The following CDKL2 variants were observed in gnomAD, a reference collection of about 807,000 sequenced individuals.
CDKL2 encodes cyclin dependent kinase like 2, also known as cyclin-dependent kinase-like 2.
Under a neutral mutation model 63.9 loss-of-function variants are expected in CDKL2, and 64 were observed. That is an observed-to-expected ratio of 1.00 (90% CI 0.82 to 1.23). CDKL2 has a LOEUF of 1.23. Among genes scored for constraint, CDKL2 ranks in the 50% most tolerant of loss-of-function variants. CDKL2 has a pLI of 0.00. For missense variants in CDKL2, 656 were observed against 668.0 expected (o/e 0.98, Z 0.20); for synonymous variants, 211 against 229.2 (o/e 0.92, Z 0.72).
At chr4:75,599,548 C>CAAAAAAAAAAAAAAA (rs71657365) in intron 7 of CDKL2, among the ~76,000 whole-genome samples, 1 of 69,654 alleles carries the variant, frequency 1.4e-5, no homozygotes. Context: ...GCAACAAGAG[C>CAAAAAAAAAAAAAAA]AAAAAAAAAA....
At chr4:75,626,932 A>G (rs188047230) in intron 1 of CDKL2, among the ~76,000 whole-genome samples, 108 of 152,156 alleles carry the variant, frequency 7.1e-4, no homozygotes, top group Admixed American at 2.6e-3. Context: ...GGCCAGGTGC[A>G]GTGGCTCACA....
At chr4:75,615,179 A>T (rs1729878723) in intron 2 of CDKL2, among the ~76,000 whole-genome samples, 1 of 152,084 alleles carries the variant, frequency 6.6e-6, no homozygotes, top group Non-Finnish European at 1.5e-5. Context: ...ATAGAATTAA[A>T]TCCCACACTG....
chr4:75,585,569 G>A (rs1728440749), intron 12 of CDKL2, among the ~76,000 whole-genome samples: 1 of 151,792 alleles, frequency 6.6e-6, no homozygotes, highest in African/African-American at 2.4e-5. Context: ...CTCCAGCCTG[G>A]GCAACAGAGT....
At chr4:75,617,259 A>G (rs921481273) in intron 2 of CDKL2, among the ~76,000 whole-genome samples, 1 of 152,236 alleles carries the variant, frequency 6.6e-6, no homozygotes, top group Non-Finnish European at 1.5e-5. Flanking sequence ...TTTACAATGT[A>G]AAAGAAGCGT....
At position 75,614,263 on chromosome 4, in the gene CDKL2, T is replaced by C. The variant is rs997721043; in HGVS notation, c.355A>G (p.Ser119Gly). Residue 119 changes from serine to glycine, a missense_variant, in exon 3 of 14, where the codon AGT (serine) becomes GGT (glycine). Physicochemically the swap from Ser to Gly is moderately conservative, Grantham distance 56. Transcript: ENST00000307465. The stretch of plus-strand genomic sequence containing the variant: ...TTAAACCCAATACTTACATTGTGAC[T>C]GTGACAAAATCCAATTCCATTAATA... ...QIINGIGFCH[S>G]HNIIHRDIKP... 2.5e-6 allele frequency: 4 copies of C among 1,593,160 alleles called. No homozygotes were observed. In the African/African-American group the frequency reaches 5.4e-5, roughly 21 times the overall value.
chr4:75,604,798 T>A (rs1438958531), intron 5 of CDKL2, among the ~76,000 whole-genome samples: 3 of 152,236 alleles, frequency 2.0e-5, no homozygotes, highest in Non-Finnish European at 4.4e-5. Flanking sequence ...ACCTCTGCTC[T>A]TTTCCTCTCT....
At position 75,598,060 on chromosome 4, in the gene CDKL2, G is replaced by A; in HGVS notation, c.1020+17C>T. 6.9e-7 allele frequency: 1 copy of A among 1,441,654 alleles called. No individual in the cohort carries two copies. The highest frequency in any genetic ancestry group is 9.3e-7 in the Non-Finnish European group (1 of 1,072,698). 89.3% of individuals were successfully genotyped at this position (1,441,654 alleles called of 1,614,324 possible). On this transcript the variant is annotated intron_variant, in intron 8 of 13. Coordinates refer to ENST00000307465, the MANE Select transcript of CDKL2 (RefSeq NM_001330724.2). ...AATAAGTATATTAAATCTAAAATGT[G>A]AAACATGAACATTTACCTGTACCAC...
intron 12 of CDKL2, 96 bp downstream of exon 12, chr4:75,591,723 G>T: frequency 1.3e-6 from 1 of 770,066 alleles, no homozygotes; most frequent in Non-Finnish European, 2.0e-6. Context: ...CAATAAACCT[G>T]CACAATTCTT....
intron 12 of CDKL2, among the ~76,000 whole-genome samples, 181 bp from the exon 13 acceptor site, chr4:75,582,079 A>C (rs898370651): frequency 6.6e-6 from 1 of 152,238 alleles, no homozygotes; most frequent in Non-Finnish European, 1.5e-5. Flanking sequence ...CTTTAGTCCC[A>C]AACATGACTG....
At chr4:75,598,255 A>T in intron 7 of CDKL2, 43 bp from the exon 8 acceptor site, 1 of 1,104,088 alleles carries the variant, frequency 9.1e-7, no homozygotes, top group South Asian at 1.8e-5. Flanking sequence ...GACATGGATA[A>T]ACCTACAAAA....
intron 7 of CDKL2, 28 bp downstream of exon 7, chr4:75,600,253 G>T: frequency 1.4e-6 from 2 of 1,442,920 alleles, no homozygotes; most frequent in Non-Finnish European, 9.7e-7. Context: ...GGTTGGTATG[G>T]CCTGAAAAAC....
At chr4:75,612,098 G>A (rs961967496) in intron 3 of CDKL2, among the ~76,000 whole-genome samples, 3 of 151,984 alleles carry the variant, frequency 2.0e-5, no homozygotes, top group African/African-American at 4.8e-5. Context: ...AGCCTCCCAA[G>A]CAGCTGGGAT....
At chr4:75,589,335 C>T (rs1320609385) in intron 12 of CDKL2, among the ~76,000 whole-genome samples, 37 of 132,360 alleles carry the variant, frequency 2.8e-4, no homozygotes, top group African/African-American at 1.0e-3. Flanking sequence ...GACGGAGTCT[C>T]GCTCTGTCGC....
chr4:75,602,646 C>T (rs975343821), intron 6 of CDKL2, among the ~76,000 whole-genome samples: 2 of 152,080 alleles, frequency 1.3e-5, no homozygotes, highest in Non-Finnish European at 2.9e-5. Flanking sequence ...CTCAGCATCC[C>T]GAGTAGCTGG....
At position 75,618,856 on chromosome 4, in the gene CDKL2, A is replaced by C. The variant is rs542448172; in HGVS notation, c.169-4407T>G. 1.1e-4 allele frequency among the ~76,000 whole-genome samples: 17 copies of C among 152,308 alleles called. 1 individual carries two copies. In the South Asian group the frequency reaches 3.1e-3, roughly 28 times the overall value. On this transcript the variant is annotated intron_variant, in intron 2 of 13. Transcript: ENST00000307465. ...AAAAACTACATCCTCCAGAGTGAAA[A>C]TGAACAGAAATAAACGAGGCATCAC...
chr4:75,623,456 G>A (rs1560595218), intron 2 of CDKL2, among the ~76,000 whole-genome samples: 1 of 152,076 alleles, frequency 6.6e-6, no homozygotes, highest in Non-Finnish European at 1.5e-5. Flanking sequence ...GGGACAACTG[G>A]ATAGCCATAA....
chr4:75,587,111 A>C (rs1297956786), intron 12 of CDKL2, among the ~76,000 whole-genome samples: 2 of 152,210 alleles, frequency 1.3e-5, no homozygotes, highest in African/African-American at 4.8e-5. Flanking sequence ...GAACATAATA[A>C]AGTAAAAATA....
At chr4:75,595,975 A>G (rs1341023650) in intron 10 of CDKL2, 1 of 162,504 alleles carries the variant, frequency 6.2e-6, no homozygotes, top group African/African-American at 3.4e-5. Context: ...GAAGGAAGGA[A>G]AGAAGGAAGG....
At chr4:75,582,300 T>G (rs969302094) in intron 12 of CDKL2, among the ~76,000 whole-genome samples, 1 of 152,138 alleles carries the variant, frequency 6.6e-6, no homozygotes, top group Non-Finnish European at 1.5e-5. Flanking sequence ...TTGAAATGAA[T>G]GAAGGGATAG....
Sources: allele counts gnomAD v4.1 joint callset (sites outside exome capture counted in the v4.1 genomes callset), GRCh38; gene constraint gnomAD v4.1.1; transcripts MANE v1.5; gene names NCBI Gene and HGNC (gene_info 2026-07-23, HGNC 2026-07-21).